PTPRD: variants seen among roughly 807,000 people sequenced by gnomAD.
The protein encoded by PTPRD is receptor-type tyrosine-protein phosphatase delta.
A neutral mutation model predicts 214.5 loss-of-function variants in PTPRD; 34 were observed. That is an observed-to-expected ratio of 0.16 (90% confidence interval 0.12 to 0.21). PTPRD has a LOEUF of 0.21. PTPRD is among the 10% of genes least tolerant of loss of function. The pLI is 1.00. For missense variants in PTPRD, 2,545 were observed against 2,398.7 expected, an observed-to-expected ratio of 1.06 and a Z score of -1.27; for synonymous variants, 1,128 against 845.7, an observed-to-expected ratio of 1.33 and a Z score of -5.79.
chr9:8,659,289 G>C (rs894660166), intron 12 of PTPRD, among the ~76,000 whole-genome samples: 2 of 152,128 alleles, frequency 1.3e-5, no homozygotes, highest in African/African-American at 4.8e-5. Flanking sequence ...AGACTGTGTT[G>C]GCCAGATGGT....
At chr9:10,200,996 C>A (rs2099417782) in intron 3 of PTPRD, among the ~76,000 whole-genome samples, 2 of 151,974 alleles carry the variant, frequency 1.3e-5, no homozygotes, top group African/African-American at 4.8e-5. Flanking sequence ...ACACAGCTAA[C>A]TGGATAGAGA....
intron 5 of PTPRD, among the ~76,000 whole-genome samples, chr9:9,820,025 T>C (rs2050172055): frequency 6.6e-6 from 1 of 152,170 alleles, no homozygotes; most frequent in Non-Finnish European, 1.5e-5. Context: ...TGCTGGGTTG[T>C]ATGATAGTCC....
intron 3 of PTPRD, among the ~76,000 whole-genome samples, chr9:10,235,278 A>C (rs1036340351): frequency 2.3e-4 from 35 of 152,134 alleles, no homozygotes; most frequent in African/African-American, 7.7e-4. Flanking sequence ...TTATTTTAGC[A>C]ATGCCATATA....
chr9:8,916,692 G>C (rs534287698), intron 11 of PTPRD, among the ~76,000 whole-genome samples: 1 of 152,268 alleles, frequency 6.6e-6, no homozygotes, highest in Admixed American at 6.5e-5. Context: ...AGCTCACATA[G>C]TGCTCAAAAA....
chr9:10,552,703 T>A (rs1290689255), intron 2 of PTPRD, among the ~76,000 whole-genome samples: 4 of 152,138 alleles, frequency 2.6e-5, no homozygotes, highest in Non-Finnish European at 2.9e-5. Flanking sequence ...TGGCAGGAGA[T>A]TTCTATTTCC....
chr9:8,544,005 T>C (rs1380816163), intron 14 of PTPRD, among the ~76,000 whole-genome samples: 2 of 151,836 alleles, frequency 1.3e-5, no homozygotes. Context: ...CCACCATGCC[T>C]GGCCAAAACA....
chr9:10,376,974 G>C (rs1598444219), intron 2 of PTPRD, among the ~76,000 whole-genome samples: 3 of 151,872 alleles, frequency 2.0e-5, no homozygotes, highest in East Asian at 3.9e-4. Flanking sequence ...TCACCCTGTA[G>C]TGCTATCAAA....
At chr9:9,947,383 T>TAATATATA (rs2092774060) in intron 4 of PTPRD, among the ~76,000 whole-genome samples, 1 of 46,910 alleles carries the variant, frequency 2.1e-5, no homozygotes, top group African/African-American at 9.7e-5. Context: ...ATTATATATA[T>TAATATATA]TTTATATACA....
Position 9,155,461 on chromosome 9 carries a change from G to C in PTPRD, c.-143+27843C>G, listed in dbSNP as rs114619847. ...TAATGTTCTCAGAAATAAGTCTCTAGCCTACAAAGGTGGCACATATTGGTA... is the reference window on the plus strand; with the variant it reads ...TAATGTTCTCAGAAATAAGTCTCTACCCTACAAAGGTGGCACATATTGGTA... On this transcript the variant is annotated intron_variant, in intron 10 of 45. Transcript: ENST00000381196. Among the ~76,000 whole-genome samples, 1,114 of 152,188 alleles carry C rather than the reference G, an allele frequency of 7.3e-3. 15 individuals carry two copies. The highest frequency in any genetic ancestry group is 0.026 in the African/African-American group (1,082 of 41,520).
In PTPRD at chr9:9,508,042, A is replaced by C. The variant is rs574266519; in HGVS notation, c.-237+66690T>G. On this transcript the variant is annotated intron_variant, in intron 8 of 45. Coordinates refer to ENST00000381196, the MANE Select transcript of PTPRD (RefSeq NM_002839.4). ...AAATTCTCAATATTTAATTGATTACACATAATTTATGTGATATTTTAATAA... is the reference window on the plus strand; with the variant it reads ...AAATTCTCAATATTTAATTGATTACCCATAATTTATGTGATATTTTAATAA... Among the ~76,000 whole-genome samples, 26 of 151,670 alleles carry C rather than the reference A, an allele frequency of 1.7e-4. No individual in the cohort carries two copies. The South Asian group carries it at 5.4e-3, about 31-fold the overall frequency.
intron 11 of PTPRD, among the ~76,000 whole-genome samples, chr9:8,810,592 C>G (rs2096781823): frequency 1.3e-5 from 2 of 152,148 alleles, no homozygotes; most frequent in South Asian, 4.1e-4. Flanking sequence ...CGAACACGCT[C>G]TAAAGGAACA....
chr9:9,244,452 G>A (rs1594421994), intron 9 of PTPRD, among the ~76,000 whole-genome samples: 1 of 151,988 alleles, frequency 6.6e-6, no homozygotes, highest in Non-Finnish European at 1.5e-5. Flanking sequence ...TAGACCAATG[G>A]AACAGAACAG....
intron 2 of PTPRD, among the ~76,000 whole-genome samples, chr9:10,462,630 C>G (rs2098967034): frequency 6.6e-6 from 1 of 151,770 alleles, no homozygotes; most frequent in South Asian, 2.1e-4. Context: ...AGAGATGTGC[C>G]TATTTCCACC....
chr9:9,615,301 G>A (rs1405415817), intron 7 of PTPRD, among the ~76,000 whole-genome samples: 1 of 152,068 alleles, frequency 6.6e-6, no homozygotes, highest in African/African-American at 2.4e-5. Flanking sequence ...GGACTACCTT[G>A]CACTTCACAC....
intron 5 of PTPRD, among the ~76,000 whole-genome samples, chr9:9,767,479 A>G (rs1441682480): frequency 6.6e-6 from 1 of 152,084 alleles, no homozygotes; most frequent in East Asian, 1.9e-4. Flanking sequence ...AATTTCTATT[A>G]TTTCTAGCTT....
At chr9:8,522,510 C>T (rs1324368709) in intron 19 of PTPRD, among the ~76,000 whole-genome samples, 2 of 152,114 alleles carry the variant, frequency 1.3e-5, no homozygotes, top group African/African-American at 4.8e-5. Flanking sequence ...TAAATGACAA[C>T]AAAATCTTTT....
chr9:9,716,002 T>A (rs1314548536), intron 7 of PTPRD, among the ~76,000 whole-genome samples: 1 of 146,388 alleles, frequency 6.8e-6, no homozygotes, highest in African/African-American at 2.5e-5. Context: ...ATCCCTCCCC[T>A]CTCCCCCCAC....
At chr9:9,998,129 A>AAATAT (rs57991748) in intron 4 of PTPRD, among the ~76,000 whole-genome samples, 3 of 91,460 alleles carry the variant, frequency 3.3e-5, no homozygotes, top group African/African-American at 1.8e-4. Context: ...AAAAAAAAAA[A>AAATAT]ATATATATAT....
At chr9:9,348,886 T>A (rs187676596) in intron 9 of PTPRD, among the ~76,000 whole-genome samples, 26 of 152,266 alleles carry the variant, frequency 1.7e-4, no homozygotes, top group Admixed American at 1.4e-3. Context: ...CTGCTTCTCT[T>A]CTTCCAATTG....
Sources: gnomAD v4.1 joint callset for allele counts (sites outside exome capture counted in the v4.1 genomes callset) on GRCh38, gnomAD v4.1.1 for gene constraint, MANE v1.5 for transcripts, NCBI Gene and HGNC (gene_info 2026-07-23, HGNC 2026-07-21) for gene names.